The following PIGO variants were observed in gnomAD, a reference collection of about 807,000 sequenced individuals.
PIGO encodes phosphatidylinositol glycan anchor biosynthesis class O.
In PIGO, 66 loss-of-function variants were observed where a neutral mutation model predicts 86.9. The observed-to-expected ratio is 0.76, with a 90% CI of 0.62 to 0.93. The LOEUF is 0.93. Among genes scored for constraint, PIGO ranks in the 40% least tolerant of loss-of-function variants. The pLI is 0.00. For missense variants in PIGO, 1,202 were observed against 1,359.1 expected, an observed-to-expected ratio of 0.88 and a Z score of 1.82; for synonymous variants, 570 against 556.4, an observed-to-expected ratio of 1.02 and a Z score of -0.34.
intron 6 of PIGO, 38 bp from the exon 7 acceptor site, chr9:35,092,805 C>A: frequency 1.3e-6 from 2 of 1,534,388 alleles, no homozygotes; most frequent in South Asian, 1.2e-5. Flanking sequence ...GGGAACAGGT[C>A]AGAGACATAA....
chr9:35,090,064 AC>A lies in PIGO; in HGVS notation c.3069+1del. On this transcript the variant is annotated splice_donor_variant, in intron 9 of 10. Coordinates refer to ENST00000378617, the MANE Select transcript of PIGO (RefSeq NM_032634.4). LOFTEE classifies it high-confidence loss of function. The stretch of plus-strand genomic sequence containing the variant: ...ACTCCCTGATCTCTCTCCTACACCC[AC>A]CTGAATACCAAGGATAAAGAGGTAC... The A allele has an allele frequency of 6.2e-7, 1 of 1,612,504 alleles. No homozygotes were observed. The highest frequency in any genetic ancestry group is 2.2e-5 in the East Asian group (1 of 44,834).
In PIGO at chr9:35,095,503, A is replaced by C. The variant is rs776535706; in HGVS notation, c.63T>G (p.Ile21Met). The change falls in exon 2 of 11, where the codon ATT becomes ATG. Residue 21 changes from isoleucine (I) to methionine (M), a missense_variant. Physicochemically the swap from Ile to Met is conservative, Grantham distance 10. Coordinates refer to ENST00000378617, the MANE Select transcript of PIGO (RefSeq NM_032634.4). The part of the protein sequence containing the change: ...AWVCFLFYAG[I>M]ALFTSGFLLT... ...GCAGGAAGCCACTGGTGAAGAGGGC[A>C]ATGCCAGCGTAGAAGAGGAAGCAGA... The C allele has an allele frequency of 6.2e-7, 1 of 1,611,238 alleles. No individual in the cohort carries two copies. Among genetic ancestry groups the C allele is most frequent in the South Asian group, 1.1e-5 (1 of 90,930 alleles).
Position 35,089,000 on chromosome 9 carries a change from C to G in PIGO, c.*92G>C, listed in dbSNP as rs1289543081. The G allele has an allele frequency of 2.6e-6, 4 of 1,544,168 alleles. No homozygotes were observed. The highest frequency in any genetic ancestry group is 3.5e-6 in the Non-Finnish European group (4 of 1,135,684). ...GCATGATAGTAAGAGTATGGCTGAG[C>G]CTGTCTTGCAGATCATCCAGTACCT... On this transcript the variant is annotated 3_prime_UTR_variant, in exon 11 of 11. Transcript: ENST00000378617.
Position 35,093,949 on chromosome 9 carries a change from T to C in PIGO, c.731A>G (p.His244Arg), listed in dbSNP as rs1829552922. The change falls in exon 4 of 11, where the codon CAC (histidine) becomes CGC (arginine). Residue 244 changes from histidine to arginine, a missense_variant. By Grantham distance (29) the His-to-Arg change is conservative. Transcript: ENST00000378617. ...VDHCGHKHGP[H>R]HPEMAKKLSQ... The stretch of plus-strand genomic sequence containing the variant: ...AAGTTTCTTGGCCATTTCAGGGTGG[T>C]GAGGGCCATGCTTGTGGCCACAGTG... 6.2e-7 allele frequency: 1 copy of C among 1,613,964 alleles called. No individual in the cohort carries two copies. The highest frequency in any genetic ancestry group is 1.7e-5 in the Admixed American group (1 of 59,986).
At chr9:35,090,993 T>C in intron 7 of PIGO, 2 of 578,388 alleles carry the variant, frequency 3.5e-6, no homozygotes, top group Non-Finnish European at 6.0e-6. Context: ...GGATGCAGCA[T>C]TTCCACAGGG....
At position 35,092,193 on chromosome 9, in the gene PIGO, A is replaced by G; in HGVS notation, c.1694T>C (p.Phe565Ser). 1 of 1,614,246 alleles carries G rather than the reference A, an allele frequency of 6.2e-7. No individual in the cohort carries two copies. The part of the protein sequence containing the change: ...FRLAVFFSDS[F>S]VVAEARATPF... ...GGTGGCCCTGGCCTCAGCTACAACA[A>G]AACTATCAGAGAAGAACACAGCCAA... The change falls in exon 7 of 11, where the codon TTT becomes TCT. Residue 565 changes from phenylalanine (F) to serine (S), a missense_variant. Physicochemically the swap from Phe to Ser is radical, Grantham distance 155 (BLOSUM62 -2). Coordinates refer to ENST00000378617, the MANE Select transcript of PIGO (RefSeq NM_032634.4).
At chr9:35,090,373 CA>C in intron 8 of PIGO, 92 bp downstream of exon 8, 1 of 1,553,086 alleles carries the variant, frequency 6.4e-7, no homozygotes, top group Non-Finnish European at 8.7e-7. Context: ...AAAGATCCAA[CA>C]AACCCATATC....
chr9:35,096,293 T>C lies in PIGO; in HGVS notation c.-140A>G, dbSNP rs1829670403. Reference sequence around the variant, plus strand: ...CGAAGGGGAGGAGTCACTCTCCGCTTCCGGGCGGCCAGGTTCGCCAGGAGA... The same window carrying C: ...CGAAGGGGAGGAGTCACTCTCCGCTCCCGGGCGGCCAGGTTCGCCAGGAGA... On this transcript the variant is annotated 5_prime_UTR_variant, in exon 1 of 11. Transcript: ENST00000378617. 1.3e-5 allele frequency: 2 copies of C among 152,188 alleles called. No individual in the cohort carries two copies. Among genetic ancestry groups the C allele is most frequent in the African/African-American group, 4.8e-5 (2 of 41,432 alleles). The allele number at this position is 152,188 out of a possible 1,614,324, so 9.4% of individuals were successfully genotyped here.
intron 8 of PIGO, 63 bp downstream of exon 8, chr9:35,090,403 G>C: frequency 6.4e-7 from 1 of 1,557,082 alleles, no homozygotes; most frequent in African/African-American, 1.4e-5. Context: ...CAAATCCAGG[G>C]GTTTCCTTTC....
Position 35,089,006 on chromosome 9 carries a change from T to C in PIGO, c.*86A>G. 6.4e-7 allele frequency: 1 copy of C among 1,561,438 alleles called. No homozygotes were observed. Among genetic ancestry groups the C allele is most frequent in the Non-Finnish European group, 8.7e-7 (1 of 1,146,618 alleles). On this transcript the variant is annotated 3_prime_UTR_variant, in exon 11 of 11. Coordinates refer to ENST00000378617, the MANE Select transcript of PIGO (RefSeq NM_032634.4). ...TAGTAAGAGTATGGCTGAGCCTGTC[T>C]TGCAGATCATCCAGTACCTGTACAG...
chr9:35,091,039 AC>A, intron 7 of PIGO, 200 bp downstream of exon 7: 1 of 628,262 alleles, frequency 1.6e-6, no homozygotes, highest in East Asian at 2.8e-5. Context: ...CTCTCCATGA[AC>A]CCTGGGAACC....
intron 7 of PIGO, 183 bp downstream of exon 7, chr9:35,091,057 A>C: frequency 1.5e-6 from 1 of 677,700 alleles, no homozygotes; most frequent in South Asian, 2.0e-5. Context: ...AACCAACAGG[A>C]GGGATCAATT....
chr9:35,091,309 G>C lies in PIGO; in HGVS notation c.2578C>G (p.Leu860Val). Reference sequence around the variant, plus strand: ...AGGAAGCTCTGCAGAAACAGAAGCAGGAACACAAGGCTGATGCGCTCCGCA... The same window carrying C: ...AGGAAGCTCTGCAGAAACAGAAGCACGAACACAAGGCTGATGCGCTCCGCA... ...LHAERISLVF[L>V]LLFLQSFLLL... is the part of the protein sequence containing the mutation. The change falls in exon 7 of 11, where the codon CTG becomes GTG. Residue 860 changes from leucine (L) to valine (V), a missense_variant. Physicochemically the swap from Leu to Val is conservative, Grantham distance 32. Transcript: ENST00000378617. 1 of 1,613,960 alleles carries C rather than the reference G, an allele frequency of 6.2e-7. No homozygotes were observed. The highest frequency in any genetic ancestry group is 8.5e-7 in the Non-Finnish European group (1 of 1,179,892).
intron 2 of PIGO, 75 bp downstream of exon 2, chr9:35,094,980 G>C (rs1388744793): frequency 1.3e-6 from 2 of 1,519,210 alleles, no homozygotes; most frequent in African/African-American, 2.8e-5. Context: ...GGCACCCAAA[G>C]GTCTGACTCC....
Position 35,092,541 on chromosome 9 carries a change from A to T in PIGO, c.1346T>A (p.Val449Asp). 1 of 1,614,202 alleles carries T rather than the reference A, an allele frequency of 6.2e-7. No individual in the cohort carries two copies. Among genetic ancestry groups the T allele is most frequent in the Non-Finnish European group, 8.5e-7 (1 of 1,180,014 alleles). ...CIESWARFSL[V>D]RMAGGTALLA... ...GAGAGCAGTACCCCCCGCCATGCGG[A>T]CCAGAGAGAAACGAGCCCAAGACTC... is the stretch of plus-strand genomic sequence containing the variant. The change falls in exon 7 of 11, where the codon GTC becomes GAC. Residue 449 changes from valine to aspartate, a missense_variant. Val to Asp is a radical substitution (Grantham distance 152, BLOSUM62 -3). Transcript: ENST00000378617.
At position 35,095,535 on chromosome 9, in the gene PIGO, C is replaced by A. The variant is rs147710717; in HGVS notation, c.31G>T (p.Ala11Ser). 8 of 1,593,946 alleles carry A rather than the reference C, an allele frequency of 5.0e-6. No individual in the cohort carries two copies. The highest frequency in any genetic ancestry group is 6.8e-6 in the Non-Finnish European group (8 of 1,169,898). Residue 11 changes from alanine (A) to serine (S), a missense_variant, in exon 2 of 11, where the codon GCC becomes TCC. Physicochemically the swap from Ala to Ser is moderately conservative, Grantham distance 99. Coordinates refer to ENST00000378617, the MANE Select transcript of PIGO (RefSeq NM_032634.4). MQKASVLLFL[A>S]WVCFLFYAGI... ...GCGTAGAAGAGGAAGCAGACCCAGG[C>A]CAGGAAGAGCAACACTGAGGCTTTC...
Position 35,088,945 on chromosome 9 carries a change from T to G in PIGO, c.*147A>C, listed in dbSNP as rs542458590. 9.2e-7 allele frequency: 1 copy of G among 1,087,592 alleles called. No homozygotes were observed. The highest frequency in any genetic ancestry group is 1.5e-5 in the South Asian group (1 of 65,380). 67.4% of individuals were successfully genotyped at this position (1,087,592 alleles called of 1,614,324 possible). On this transcript the variant is annotated 3_prime_UTR_variant, in exon 11 of 11. Transcript: ENST00000378617. ...ACTGTGGTCCTGAATTATAGAATAA[T>G]GAAGTCCTAGATGTCAGCGGCCCCT...
Position 35,092,008 on chromosome 9 carries a change from C to T in PIGO, c.1879G>A (p.Gly627Arg). 1 of 1,614,200 alleles carries T rather than the reference C, an allele frequency of 6.2e-7. No homozygotes were observed. The highest frequency in any genetic ancestry group is 1.1e-5 in the South Asian group (1 of 91,088). Residue 627 changes from glycine to arginine, a missense_variant, in exon 7 of 11, where the codon GGG becomes AGG. Gly to Arg is a moderately radical substitution (Grantham distance 125). Transcript: ENST00000378617. ...GCTAGCCTTGTACATAAAAGCAACC[C>T]AATTCCAAGCCTCAGGGCATATGCA... ...NGAYALRLGI[G>R]LLLCTRLAGL... is the part of the protein sequence containing the mutation.
intron 7 of PIGO, 41 bp downstream of exon 7, chr9:35,091,199 A>G (rs1344065143): frequency 1.3e-6 from 2 of 1,525,694 alleles, no homozygotes; most frequent in South Asian, 1.3e-5. Context: ...CCGAACTCAC[A>G]TCACTATTGT....
Sources: gnomAD v4.1 joint callset for allele counts on GRCh38, gnomAD v4.1.1 for gene constraint, MANE v1.5 for transcripts, NCBI Gene and HGNC (gene_info 2026-07-23, HGNC 2026-07-21) for gene names.